Variants in JPH1 observed in about 807,000 individuals in gnomAD.
JPH1 encodes the protein junctophilin 1.
JPH1 carries 12 observed loss-of-function variants against 53.6 expected under a neutral mutation model. That is an observed-to-expected ratio of 0.22 (90% confidence interval 0.14 to 0.36). JPH1 has a LOEUF of 0.36. Among genes scored for constraint, JPH1 ranks in the 10% least tolerant of loss-of-function variants. The pLI is 1.00. For missense variants in JPH1, 808 were observed against 905.5 expected (o/e 0.89, Z 1.38); for synonymous variants, 375 against 363.8 (o/e 1.03, Z -0.35).
intron 2 of JPH1, 117 bp downstream of exon 2, chr8:74,314,743 AT>A: frequency 8.3e-7 from 1 of 1,198,876 alleles, no homozygotes; most frequent in Non-Finnish European, 1.2e-6. Context: ...TTCACCTTTG[AT>A]TTTTTAGTAG....
Position 74,315,198 on chromosome 8 carries a change from G to A in JPH1, c.802C>T (p.Pro268Ser). 1 of 1,614,150 alleles carries A rather than the reference G, an allele frequency of 6.2e-7. No homozygotes were observed. The highest frequency in any genetic ancestry group is 8.5e-7 in the Non-Finnish European group (1 of 1,180,034). The change falls in exon 2 of 6, where the codon CCG becomes TCG. Residue 268 changes from proline (P) to serine (S), a missense_variant. By Grantham distance (74) the Pro-to-Ser change is moderately conservative (BLOSUM62 -1). Coordinates refer to ENST00000342232, the MANE Select transcript of JPH1 (RefSeq NM_020647.4). This position sits in a 1 kb window ranked among gnomAD's most constrained non-coding sequence, Gnocchi z 6.3. Reference sequence around the variant, plus strand: ...GTGGCGTCCACGTGGTCTTCCACCGGGCAAAAATCACAATCTACATCGCCA... The same window carrying A: ...GTGGCGTCCACGTGGTCTTCCACCGAGCAAAAATCACAATCTACATCGCCA... ...SFGDVDCDFC[P>S]VEDHVDATTT... is the part of the protein sequence containing the mutation.
At chr8:74,242,901 A>G (rs1038152837) in intron 4 of JPH1, among the ~76,000 whole-genome samples, 2 of 152,240 alleles carry the variant, frequency 1.3e-5, no homozygotes, top group Admixed American at 1.3e-4. Flanking sequence ...GAGGCTGTGA[A>G]TTTACCAAAC....
chr8:74,253,508 C>G (rs1806128196), intron 3 of JPH1, among the ~76,000 whole-genome samples: 1 of 151,998 alleles, frequency 6.6e-6, no homozygotes, highest in Admixed American at 6.5e-5. Flanking sequence ...CAAACACATT[C>G]AAAAGCTAGC....
At chr8:74,318,569 T>C (rs184286830) in intron 1 of JPH1, among the ~76,000 whole-genome samples, 110 of 152,320 alleles carry the variant, frequency 7.2e-4, no homozygotes, top group Admixed American at 2.8e-3. Flanking sequence ...AGGGGGTTTC[T>C]ATTTCAGCAA....
At position 74,315,978 on chromosome 8, in the gene JPH1, A is replaced by C. The variant is rs969344904; in HGVS notation, c.380-358T>G. ...AATTCCTCTTGGGAAGAAGACAAGG[A>C]AACAGTAGAAGATGAAATGAATTCT... is the stretch of plus-strand genomic sequence containing the variant. On this transcript the variant is annotated intron_variant, in intron 1 of 5. Coordinates refer to ENST00000342232, the MANE Select transcript of JPH1 (RefSeq NM_020647.4). This position sits in a 1 kb window ranked among gnomAD's most constrained non-coding sequence, Gnocchi z 6.3. Among the ~76,000 whole-genome samples, 5 of 152,208 alleles carry C rather than the reference A, an allele frequency of 3.3e-5. No homozygotes were observed. The highest frequency in any genetic ancestry group is 4.1e-4 in the South Asian group (2 of 4,824).
At chr8:74,291,983 A>C (rs187629274) in intron 2 of JPH1, among the ~76,000 whole-genome samples, 1 of 152,294 alleles carries the variant, frequency 6.6e-6, no homozygotes, top group East Asian at 1.9e-4. Flanking sequence ...CAATGAGAAC[A>C]CTTGTACACA....
intron 2 of JPH1, among the ~76,000 whole-genome samples, chr8:74,260,269 C>T (rs1206526603): frequency 6.6e-6 from 1 of 152,190 alleles, no homozygotes; most frequent in African/African-American, 2.4e-5. Flanking sequence ...CCTCCCTGGC[C>T]TGTCCTCACT....
chr8:74,291,415 A>T (rs1373818798), intron 2 of JPH1, among the ~76,000 whole-genome samples: 11 of 152,230 alleles, frequency 7.2e-5, no homozygotes, highest in Admixed American at 3.9e-4. Context: ...TGCAAATGAA[A>T]ACCACAATGA....
Position 74,235,875 on chromosome 8 carries a change from C to T in JPH1, c.*1176G>A, listed in dbSNP as rs527924297. On this transcript the variant is annotated 3_prime_UTR_variant, in exon 6 of 6. Coordinates refer to ENST00000342232, the MANE Select transcript of JPH1 (RefSeq NM_020647.4). Reference sequence around the variant, plus strand: ...TGATTGAACAAGGCTTTATGTTCTACCTGAATGTATTCAACAGAAATTTAA... The same window carrying T: ...TGATTGAACAAGGCTTTATGTTCTATCTGAATGTATTCAACAGAAATTTAA... The T allele has an allele frequency of 6.6e-6, 1 of 152,260 alleles. No individual in the cohort carries two copies. The highest frequency in any genetic ancestry group is 1.5e-5 in the Non-Finnish European group (1 of 68,008). 9.4% of individuals were successfully genotyped at this position (152,260 alleles called of 1,614,324 possible).
At chr8:74,252,509 A>G (rs1050458578) in intron 3 of JPH1, among the ~76,000 whole-genome samples, 1 of 152,132 alleles carries the variant, frequency 6.6e-6, no homozygotes, top group African/African-American at 2.4e-5. Flanking sequence ...TAACCAGCTA[A>G]CATCATAATG....
rs144361589 is a variant in JPH1, at chr8:74,250,564, C to T, written c.1259-5389G>A. On this transcript the variant is annotated intron_variant, in intron 3 of 5. Coordinates refer to ENST00000342232, the MANE Select transcript of JPH1 (RefSeq NM_020647.4). ...CCCTCTAAAGCAAGCTTGTACAACC[C>T]GTGGCCCAACACAAATTCATAAACT... Among the ~76,000 whole-genome samples the T allele has an allele frequency of 2.9e-3, 439 of 152,322 alleles. 1 individual carries two copies. The highest frequency in any genetic ancestry group is 9.8e-3 in the African/African-American group (406 of 41,566).
intron 2 of JPH1, among the ~76,000 whole-genome samples, chr8:74,311,198 C>T (rs1323106556): frequency 6.6e-6 from 1 of 152,200 alleles, no homozygotes; most frequent in Non-Finnish European, 1.5e-5. Context: ...CATTGATCAT[C>T]TCCTTTTGTT....
intron 3 of JPH1, among the ~76,000 whole-genome samples, chr8:74,251,936 A>G (rs1224418025): frequency 6.6e-6 from 1 of 152,220 alleles, no homozygotes. Context: ...ACAAGGCTAC[A>G]GTAACCAAAA....
chr8:74,281,245 C>T (rs553217288), intron 2 of JPH1, among the ~76,000 whole-genome samples: 24 of 152,336 alleles, frequency 1.6e-4, no homozygotes, highest in African/African-American at 5.8e-4. Flanking sequence ...CTGCAAGCTA[C>T]AGATAAAACT....
At chr8:74,316,930 A>T (rs898831916) in intron 1 of JPH1, among the ~76,000 whole-genome samples, 1 of 152,234 alleles carries the variant, frequency 6.6e-6, no homozygotes, top group Non-Finnish European at 1.5e-5. Flanking sequence ...TGGAAAATTT[A>T]AAATGTAATT....
intron 2 of JPH1, among the ~76,000 whole-genome samples, chr8:74,266,306 G>A (rs1806530210): frequency 6.6e-6 from 1 of 151,864 alleles, no homozygotes; most frequent in Non-Finnish European, 1.5e-5. Flanking sequence ...TCATCTCTCT[G>A]ATAAATGGGA....
Position 74,315,375 on chromosome 8 carries a change from C to T in JPH1, c.625G>A (p.Gly209Ser), listed in dbSNP as rs749746871. The T allele has an allele frequency of 2.5e-5, 40 of 1,612,616 alleles. No individual in the cohort carries two copies. The highest frequency in any genetic ancestry group is 3.1e-5 in the Non-Finnish European group (37 of 1,179,978). The change falls in exon 2 of 6, where the codon GGC (glycine) becomes AGC (serine). Residue 209 changes from glycine (G) to serine (S), a missense_variant. Transcript: ENST00000342232. This position sits in a 1 kb window ranked among gnomAD's most constrained non-coding sequence, Gnocchi z 6.3. The stretch of plus-strand genomic sequence containing the variant: ...AGGGAGCCCCTCCGGAAGAGGCCGC[C>T]CTTCTTCTTGCCCGCTAGCTCAGCG... The part of the protein sequence containing the change: ...ADAELAGKKK[G>S]GLFRRGSLLG...
At chr8:74,272,600 C>CTTTTTTT (rs765158506) in intron 2 of JPH1, among the ~76,000 whole-genome samples, 1 of 112,684 alleles carries the variant, frequency 8.9e-6, no homozygotes, top group African/African-American at 3.3e-5. Context: ...ACCCTTAGTT[C>CTTTTTTT]TTTTTTTTTT....
chr8:74,315,689 G>A lies in JPH1; in HGVS notation c.380-69C>T, dbSNP rs78019163. ...TGCACCGTCACCTGCACCATCCAGC[G>A]CACACTGGCGCAGGCCTGCCCAAGG... On this transcript the variant is annotated intron_variant, in intron 1 of 5. Transcript: ENST00000342232. This position sits in a 1 kb window ranked among gnomAD's most constrained non-coding sequence, Gnocchi z 6.3. 15 of 1,439,000 alleles carry A rather than the reference G, an allele frequency of 1.0e-5. No homozygotes were observed. The highest frequency in any genetic ancestry group is 1.4e-5 in the South Asian group (1 of 73,568). The allele number at this position is 1,439,000 out of a possible 1,614,324, so 89.1% of individuals were successfully genotyped here. A position where few individuals can be genotyped will look rare whatever the true frequency, so the allele number is the denominator to read the frequency against.
Sources: allele counts gnomAD v4.1 joint callset (sites outside exome capture counted in the v4.1 genomes callset), GRCh38; gene constraint gnomAD v4.1.1; non-coding constraint Gnocchi (gnomAD v3.1); transcripts MANE v1.5; gene names NCBI Gene and HGNC (gene_info 2026-07-23, HGNC 2026-07-21).